The following EGFR variants were observed in gnomAD, a reference collection of about 807,000 sequenced individuals.
EGFR encodes the protein epidermal growth factor receptor, also known as avian erythroblastic leukemia viral (v-erb-b) oncogene homolog.
Under a neutral mutation model 143.0 loss-of-function variants are expected in EGFR, and 58 were observed. That is an observed-to-expected ratio of 0.41 (90% CI 0.33 to 0.50). The LOEUF is 0.50. EGFR is among the 20% of genes least tolerant of loss of function. EGFR has a pLI of 0.39. For missense variants in EGFR, 1,307 were observed against 1,579.0 expected (o/e 0.83, Z 2.92); for synonymous variants, 613 against 594.4 (o/e 1.03, Z -0.45).
chr7:55,074,401 T>C (rs760557353), intron 1 of EGFR, among the ~76,000 whole-genome samples: 5 of 152,222 alleles, frequency 3.3e-5, no homozygotes, highest in African/African-American at 9.6e-5. Flanking sequence ...TATGACAATG[T>C]AATCAAAATA....
chr7:55,065,893 T>C (rs1789470855), intron 1 of EGFR, among the ~76,000 whole-genome samples: 1 of 146,574 alleles, frequency 6.8e-6, no homozygotes, highest in Non-Finnish European at 1.5e-5. Context: ...TCCAAAACTA[T>C]TCTCTACGGC....
chr7:55,118,829 C>T (rs1201838594), intron 1 of EGFR, among the ~76,000 whole-genome samples: 1 of 152,136 alleles, frequency 6.6e-6, no homozygotes, highest in African/African-American at 2.4e-5. Context: ...GAAATGCTCC[C>T]CCAAATCTTC....
intron 1 of EGFR, among the ~76,000 whole-genome samples, chr7:55,054,602 T>A (rs1788680469): frequency 6.6e-6 from 1 of 152,192 alleles, no homozygotes; most frequent in Non-Finnish European, 1.5e-5. Flanking sequence ...ATTCAGAATG[T>A]TCATTAAACA....
At chr7:55,106,304 C>T (rs1248000020) in intron 1 of EGFR, among the ~76,000 whole-genome samples, 1 of 152,212 alleles carries the variant, frequency 6.6e-6, no homozygotes, top group Non-Finnish European at 1.5e-5. Context: ...CTGTAGGGCC[C>T]CTCGCCCTAA....
intron 1 of EGFR, among the ~76,000 whole-genome samples, chr7:55,085,138 T>G (rs1790680818): frequency 6.6e-6 from 1 of 152,022 alleles, no homozygotes; most frequent in Admixed American, 6.5e-5. Flanking sequence ...AGGACAACAG[T>G]CAGCCTGGCT....
At chr7:55,080,579 A>G (rs1790405587) in intron 1 of EGFR, among the ~76,000 whole-genome samples, 1 of 152,156 alleles carries the variant, frequency 6.6e-6, no homozygotes, top group African/African-American at 2.4e-5. Flanking sequence ...AGGACATAGA[A>G]TCTCAGTTAG....
Position 55,191,653 on chromosome 7 carries a change from G to A in EGFR, c.2470-66G>A, listed in dbSNP as rs2128964209. On this transcript the variant is annotated intron_variant, in intron 20 of 27. Coordinates refer to ENST00000275493, the MANE Select transcript of EGFR (RefSeq NM_005228.5). ...CAGAGCCTGGCATGAACATGACCCTGAATTCGGATGCAGAGCTTCTTCCCA... is the reference window on the plus strand; with the variant it reads ...CAGAGCCTGGCATGAACATGACCCTAAATTCGGATGCAGAGCTTCTTCCCA... The A allele has an allele frequency of 2.1e-5, 33 of 1,606,976 alleles. No individual in the cohort carries two copies. In the South Asian group the frequency reaches 3.5e-4, roughly 17 times the overall value.
chr7:55,153,243 C>T (rs976224824), intron 6 of EGFR, among the ~76,000 whole-genome samples: 20 of 152,216 alleles, frequency 1.3e-4, no homozygotes, highest in African/African-American at 4.6e-4. Context: ...TCACTGTCGC[C>T]CCATTGCTCC....
At chr7:55,066,380 G>A (rs1789504848) in intron 1 of EGFR, among the ~76,000 whole-genome samples, 1 of 152,158 alleles carries the variant, frequency 6.6e-6, no homozygotes, top group South Asian at 2.1e-4. Flanking sequence ...GGTGTGAAAT[G>A]TTCCCCGGGA....
At chr7:55,197,935 A>T (rs1787686154) in intron 22 of EGFR, among the ~76,000 whole-genome samples, 1 of 152,196 alleles carries the variant, frequency 6.6e-6, no homozygotes, top group Non-Finnish European at 1.5e-5. Context: ...GTCTATGTTC[A>T]TCAGAGATAT....
rs759418157 is a variant in EGFR at position 55,181,308 on chromosome 7, G to T, written c.2299G>T (p.Ala767Ser). 3.1e-6 allele frequency: 5 copies of T among 1,614,160 alleles called. No individual in the cohort carries two copies. Among genetic ancestry groups the T allele is most frequent in the Non-Finnish European group, 3.4e-6 (4 of 1,180,044 alleles). The part of the protein sequence containing the change: ...KEILDEAYVM[A>S]SVDNPHVCRL... ...CTCCCTCCAGGAAGCCTACGTGATG[G>T]CCAGCGTGGACAACCCCCACGTGTG... The change falls in exon 20 of 28, where the codon GCC (alanine) becomes TCC (serine). Residue 767 changes from alanine to serine, a missense_variant. Ala to Ser is a moderately conservative substitution (Grantham distance 99). Transcript: ENST00000275493.
At chr7:55,203,167 A>G (rs1006681198) in intron 27 of EGFR, 2 of 240,842 alleles carry the variant, frequency 8.3e-6, no homozygotes, top group Non-Finnish European at 1.6e-5. Context: ...CACCACACAC[A>G]TACCATACAC....
intron 1 of EGFR, chr7:55,110,097 A>C: frequency 2.8e-6 from 1 of 359,298 alleles, no homozygotes; most frequent in African/African-American, 2.2e-5. Flanking sequence ...TAGGAATCTT[A>C]TGAGAATTTC....
chr7:55,127,031 C>G (rs1411554733), intron 1 of EGFR, among the ~76,000 whole-genome samples: 3 of 152,140 alleles, frequency 2.0e-5, no homozygotes, highest in East Asian at 1.9e-4. Context: ...AAACCATTCC[C>G]CAGTGAAAAC....
At position 55,096,803 on chromosome 7, in the gene EGFR, C is replaced by T. The variant is rs372087216; in HGVS notation, c.89-45483C>T. ...AGCTTGCAGGGGCGCAGGCGCAGAG[C>T]GGTTTGTGCCCTTGCTGGAGCCAGG... On this transcript the variant is annotated intron_variant, in intron 1 of 27. Coordinates refer to ENST00000275493, the MANE Select transcript of EGFR (RefSeq NM_005228.5). 7.2e-4 allele frequency among the ~76,000 whole-genome samples: 109 copies of T among 152,240 alleles called. 1 individual carries two copies. The East Asian group carries it at 0.012, about 16-fold the overall frequency.
chr7:55,085,683 C>T (rs1489257356), intron 1 of EGFR, among the ~76,000 whole-genome samples: 2 of 152,142 alleles, frequency 1.3e-5, no homozygotes, highest in East Asian at 3.8e-4. Context: ...GTCAGTAGTG[C>T]GTGGTGGAAT....
At chr7:55,019,637 C>T (rs1296911312) in intron 1 of EGFR, among the ~76,000 whole-genome samples, 1 of 152,114 alleles carries the variant, frequency 6.6e-6, no homozygotes, top group Non-Finnish European at 1.5e-5. Flanking sequence ...GGACCTCCGG[C>T]GCCCCGAACC....
intron 1 of EGFR, among the ~76,000 whole-genome samples, chr7:55,140,012 T>C (rs1418460591): frequency 1.3e-5 from 2 of 151,918 alleles, no homozygotes; most frequent in African/African-American, 4.8e-5. Flanking sequence ...TTTTATTCAT[T>C]TATTCAAAAA....
intron 15 of EGFR, 39 bp from the exon 16 acceptor site, chr7:55,171,136 G>A (rs548326259): frequency 6.2e-7 from 1 of 1,613,566 alleles, no homozygotes; most frequent in East Asian, 2.2e-5. Context: ...CAAAGAAGTA[G>A]AATGAGAAAA....
Sources: gnomAD v4.1 joint callset for allele counts (sites outside exome capture counted in the v4.1 genomes callset) on GRCh38, gnomAD v4.1.1 for gene constraint, MANE v1.5 for transcripts, NCBI Gene and HGNC (gene_info 2026-07-23, HGNC 2026-07-21) for gene names.